Variants in SLC27A3 observed in about 807,000 individuals in gnomAD.
The protein encoded by SLC27A3 is solute carrier family 27 member 3.
SLC27A3 carries 60 observed loss-of-function variants against 60.1 expected under a neutral mutation model. That is an observed-to-expected ratio of 1.00 (90% confidence interval 0.81 to 1.24). The LOEUF is 1.24. SLC27A3 is among the 50% of genes most tolerant of loss of function. SLC27A3 has a pLI of 0.00. For synonymous variants in SLC27A3, 455 were observed against 409.0 expected (o/e 1.11, Z -1.36); for missense variants, 1,079 against 929.9 (o/e 1.16, Z -2.09).
rs1673356033 is a variant in SLC27A3, at chr1:153,778,496, G to T, written c.1390G>T (p.Val464Phe). The change falls in exon 6 of 10, where the codon GTC becomes TTC. Residue 464 changes from valine to phenylalanine, a missense_variant. Coordinates refer to ENST00000624995, the MANE Select transcript of SLC27A3 (RefSeq NM_024330.4). Reference protein sequence around the residue: ...IFPFSLIRYDVTTGEPIRDPQ... With the variant: ...IFPFSLIRYDFTTGEPIRDPQ... ...CCCCTTCTCCTTGATTCGCTATGAT[G>T]TCACCACAGGAGAGCCAATTCGGGA... 1 of 1,614,210 alleles carries T rather than the reference G, an allele frequency of 6.2e-7. No homozygotes were observed. Among genetic ancestry groups the T allele is most frequent in the East Asian group, 2.2e-5 (1 of 44,888 alleles).
intron 1 of SLC27A3, 120 bp from the exon 2 acceptor site, chr1:153,776,398 A>G (rs953309145): frequency 1.3e-5 from 17 of 1,274,022 alleles, no homozygotes; most frequent in Middle Eastern, 2.8e-4. Flanking sequence ...CCAAGATGGA[A>G]TGTCCATACC....
At chr1:153,777,726 T>TACC in intron 3 of SLC27A3, 35 bp from the exon 4 acceptor site, 1 of 1,567,910 alleles carries the variant, frequency 6.4e-7, no homozygotes, top group Non-Finnish European at 8.7e-7. Flanking sequence ...CTCCTAATCT[T>TACC]ACCTCCCTTC....
At chr1:153,778,416 G>A (rs201568994) in intron 5 of SLC27A3, 47 bp from the exon 6 acceptor site, 11 of 1,613,124 alleles carry the variant, frequency 6.8e-6, no homozygotes, top group African/African-American at 4.0e-5. Context: ...AGGAGAGGGG[G>A]CTCATGTGAC....
At chr1:153,778,394 C>T (rs368435103) in intron 5 of SLC27A3, 39 bp downstream of exon 5, 46 of 1,613,538 alleles carry the variant, frequency 2.9e-5, no homozygotes, top group Non-Finnish European at 3.8e-5. Flanking sequence ...CGTGGAACAG[C>T]AGAGGGCTGG....
Position 153,775,459 on chromosome 1 carries a change from G to C in SLC27A3, c.-39G>C, listed in dbSNP as rs370290114. 6.2e-7 allele frequency: 1 copy of C among 1,612,854 alleles called. No individual in the cohort carries two copies. Among genetic ancestry groups the C allele is most frequent in the South Asian group, 1.1e-5 (1 of 91,090 alleles). Reference sequence around the variant, plus strand: ...GGGAGGATCAGGGATGTTTGCGAGCGGCTGGAACCAGACGGTGCCGATAGA... The same window carrying C: ...GGGAGGATCAGGGATGTTTGCGAGCCGCTGGAACCAGACGGTGCCGATAGA... On this transcript the variant is annotated 5_prime_UTR_variant, in exon 1 of 10. Transcript: ENST00000624995.
At position 153,775,436 on chromosome 1, in the gene SLC27A3, G is replaced by T; in HGVS notation, c.-62G>T. 1 of 1,612,108 alleles carries T rather than the reference G, an allele frequency of 6.2e-7. No individual in the cohort carries two copies. On this transcript the variant is annotated 5_prime_UTR_variant, in exon 1 of 10. Coordinates refer to ENST00000624995, the MANE Select transcript of SLC27A3 (RefSeq NM_024330.4). ...CGAGCGGCCCTAGGTTTTCGGAAGGGAGGATCAGGGATGTTTGCGAGCGGC... is the reference window on the plus strand; with the variant it reads ...CGAGCGGCCCTAGGTTTTCGGAAGGTAGGATCAGGGATGTTTGCGAGCGGC...
intron 3 of SLC27A3, 33 bp from the exon 4 acceptor site, chr1:153,777,728 C>G (rs775838387): frequency 2.0e-6 from 3 of 1,524,508 alleles, no homozygotes; most frequent in Non-Finnish European, 2.7e-6. Context: ...CCTAATCTTA[C>G]CTCCCTTCTT....
In SLC27A3 at chr1:153,776,668, T is replaced by C. The variant is rs1267719108; in HGVS notation, c.818T>C (p.Leu273Pro). The C allele has an allele frequency of 1.9e-6, 3 of 1,613,972 alleles. No homozygotes were observed. The highest frequency in any genetic ancestry group is 1.6e-4 in the Middle Eastern group (1 of 6,084). ...AEVDGPVPGY[L>P]SSPQSITDTC... is the part of the protein sequence containing the mutation. ...GTGGATGGGCCAGTGCCAGGATACC[T>C]CTCTTCCCCCCAGAGCATAACAGAC... Residue 273 changes from leucine (L) to proline (P), a missense_variant, in exon 2 of 10, where the codon CTC becomes CCC. Coordinates refer to ENST00000624995, the MANE Select transcript of SLC27A3 (RefSeq NM_024330.4).
chr1:153,777,273 G>A, intron 3 of SLC27A3, 53 bp downstream of exon 3: 2 of 1,600,646 alleles, frequency 1.2e-6, no homozygotes, highest in Non-Finnish European at 1.7e-6. Flanking sequence ...CATTTATTAA[G>A]CACGTACTAT....
At position 153,779,215 on chromosome 1, in the gene SLC27A3, C is replaced by T; in HGVS notation, c.1744+4C>T. ...GTCTATGGAGTCACTGTGCCAGGTG[C>T]CTAGGCATGGAAGGTGGGGGAGGCA... On this transcript the variant is annotated splice_donor_region_variant and intron_variant, in intron 8 of 9. Transcript: ENST00000624995. 2 of 1,614,016 alleles carry T rather than the reference C, an allele frequency of 1.2e-6. No individual in the cohort carries two copies. The highest frequency in any genetic ancestry group is 8.5e-7 in the Non-Finnish European group (1 of 1,179,912).
intron 4 of SLC27A3, 32 bp from the exon 5 acceptor site, chr1:153,778,129 T>C (rs773091596): frequency 1.9e-6 from 3 of 1,579,618 alleles, no homozygotes; most frequent in African/African-American, 1.3e-5. Flanking sequence ...ATCTTGATGC[T>C]GAAGCTCCGG....
chr1:153,778,878 A>G lies in SLC27A3; in HGVS notation c.1639A>G (p.Thr547Ala). 6.2e-7 allele frequency: 1 copy of G among 1,613,990 alleles called. No individual in the cohort carries two copies. The highest frequency in any genetic ancestry group is 8.5e-7 in the Non-Finnish European group (1 of 1,179,868). ...FLRFHDRTGD[T>A]FRWKGENVAT... ...CCGCTTCCATGATCGTACTGGAGACACCTTCAGGTATCTGTCCATAACTGG... is the reference window on the plus strand; with the variant it reads ...CCGCTTCCATGATCGTACTGGAGACGCCTTCAGGTATCTGTCCATAACTGG... Residue 547 changes from threonine (T) to alanine (A), a missense_variant, in exon 7 of 10, where the codon ACC (threonine) becomes GCC (alanine). Physicochemically the swap from Thr to Ala is moderately conservative, Grantham distance 58. Transcript: ENST00000624995.
intron 9 of SLC27A3, 150 bp from the exon 10 acceptor site, chr1:153,779,672 CCTGG>C: frequency 1.1e-6 from 1 of 903,532 alleles, no homozygotes; most frequent in South Asian, 1.7e-5. Flanking sequence ...CTTCTTCTGG[CCTGG>C]CTCTTTCTCC....
intron 4 of SLC27A3, 114 bp downstream of exon 4, chr1:153,777,999 A>G: frequency 1.3e-6 from 2 of 1,523,524 alleles, no homozygotes; most frequent in Admixed American, 1.9e-5. Context: ...AGAAAATGGC[A>G]GTGTAAGATA....
In SLC27A3 at chr1:153,778,994, C is replaced by T. The variant is rs772175115; in HGVS notation, c.1646+109C>T. Reference sequence around the variant, plus strand: ...ACCTCAACCTGGGTCCTAAGCTAATCTCTCATTCTCAGATCTCACCATTTC... The same window carrying T: ...ACCTCAACCTGGGTCCTAAGCTAATTTCTCATTCTCAGATCTCACCATTTC... On this transcript the variant is annotated intron_variant, in intron 7 of 9. Transcript: ENST00000624995. 4.1e-4 allele frequency: 593 copies of T among 1,452,048 alleles called. 2 individuals carry two copies. Among genetic ancestry groups the T allele is most frequent in the Non-Finnish European group, 5.6e-4 (580 of 1,034,530 alleles). The allele number at this position is 1,452,048 out of a possible 1,614,324, so 89.9% of individuals were successfully genotyped here. A position where few individuals can be genotyped will look rare whatever the true frequency, so the allele number is the denominator to read the frequency against.
intron 2 of SLC27A3, 96 bp downstream of exon 2, chr1:153,776,823 T>C: frequency 3.3e-6 from 4 of 1,223,206 alleles, no homozygotes; most frequent in Admixed American, 2.1e-5. Flanking sequence ...CCAGAGAGGA[T>C]GCTGATTTCA....
intron 2 of SLC27A3, 128 bp downstream of exon 2, chr1:153,776,855 C>T (rs995738150): frequency 3.1e-6 from 3 of 968,172 alleles, no homozygotes; most frequent in African/African-American, 3.3e-5. Context: ...TTTTTCTCCC[C>T]ATCATTTCAC....
At chr1:153,776,460 T>C in intron 1 of SLC27A3, 58 bp from the exon 2 acceptor site, 1 of 1,494,982 alleles carries the variant, frequency 6.7e-7, no homozygotes, top group Non-Finnish European at 9.1e-7. Flanking sequence ...GGGACATGGG[T>C]CATAGGCTCT....
chr1:153,776,272 C>G (rs1004984393), intron 1 of SLC27A3, 108 bp downstream of exon 1: 15 of 1,417,206 alleles, frequency 1.1e-5, no homozygotes, highest in Non-Finnish European at 1.8e-6. Flanking sequence ...AAGAAGCCGA[C>G]TATCCCTTGG....
Sources: allele counts gnomAD v4.1 joint callset, GRCh38; gene constraint gnomAD v4.1.1; transcripts MANE v1.5; gene names NCBI Gene and HGNC (gene_info 2026-07-23, HGNC 2026-07-21).